GALNTL6: variants seen among roughly 807,000 people sequenced by gnomAD.
GALNTL6 encodes polypeptide N-acetylgalactosaminyltransferase-like 6.
GALNTL6 carries 46 observed loss-of-function variants against 73.7 expected under a neutral mutation model. The observed-to-expected ratio is 0.62, with a 90% CI of 0.49 to 0.80. The LOEUF (loss-of-function observed/expected upper bound fraction) is 0.80. GALNTL6 is among the 30% of genes least tolerant of loss of function. The pLI is 0.00. For missense variants in GALNTL6, 604 were observed against 755.0 expected, an observed-to-expected ratio of 0.80 and a Z score of 2.34; for synonymous variants, 259 against 263.7, an observed-to-expected ratio of 0.98 and a Z score of 0.17.
intron 8 of GALNTL6, among the ~76,000 whole-genome samples, chr4:172,917,247 T>C (rs1747570103): frequency 6.6e-6 from 1 of 152,116 alleles, no homozygotes; most frequent in African/African-American, 2.4e-5. Context: ...AAATATTAAT[T>C]CAAGATGGAT....
chr4:172,631,504 A>C (rs972427650), intron 5 of GALNTL6, among the ~76,000 whole-genome samples: 1 of 152,192 alleles, frequency 6.6e-6, no homozygotes, highest in Non-Finnish European at 1.5e-5. Flanking sequence ...CAATAATATC[A>C]GTTGTTAATG....
intron 7 of GALNTL6, among the ~76,000 whole-genome samples, chr4:172,867,012 A>G (rs1038267468): frequency 2.6e-5 from 4 of 152,190 alleles, no homozygotes; most frequent in African/African-American, 4.8e-5. Flanking sequence ...TGTGTCTCCA[A>G]ACTTCATGGA....
At chr4:172,862,684 A>C in intron 7 of GALNTL6, among the ~76,000 whole-genome samples, 1 of 151,262 alleles carries the variant, frequency 6.6e-6, no homozygotes. Flanking sequence ...TGGGTGACAG[A>C]GTGAGACTTC....
intron 5 of GALNTL6, among the ~76,000 whole-genome samples, chr4:172,750,770 T>C (rs1737377574): frequency 6.6e-6 from 1 of 152,198 alleles, no homozygotes; most frequent in African/African-American, 2.4e-5. Flanking sequence ...TCTATTGTAT[T>C]TTACCCATAT....
At chr4:172,963,649 T>G (rs1405145728) in intron 10 of GALNTL6, among the ~76,000 whole-genome samples, 1 of 152,218 alleles carries the variant, frequency 6.6e-6, no homozygotes, top group Non-Finnish European at 1.5e-5. Context: ...CACACCTGTG[T>G]GTGTGAAGCC....
rs562977051 is a variant in GALNTL6, at chr4:171,893,479, T to C, written c.138+78761T>C. Among the ~76,000 whole-genome samples, 7 of 152,308 alleles carry C rather than the reference T, an allele frequency of 4.6e-5. No homozygotes were observed. In the East Asian group the frequency reaches 7.7e-4, roughly 17 times the overall value. ...TTCATATGTAAGAAAATATATTGTG[T>C]TTCAGGAATAGAGACATCAGAATAC... is the stretch of plus-strand genomic sequence containing the variant. On this transcript the variant is annotated intron_variant, in intron 2 of 12. Coordinates refer to ENST00000506823, the MANE Select transcript of GALNTL6 (RefSeq NM_001034845.3).
At chr4:172,604,521 T>G (rs1012500817) in intron 5 of GALNTL6, among the ~76,000 whole-genome samples, 12 of 152,212 alleles carry the variant, frequency 7.9e-5, no homozygotes, top group Admixed American at 7.9e-4. Context: ...AATTATGTTC[T>G]GTATAAAATG....
At chr4:172,664,177 T>G (rs1377986151) in intron 5 of GALNTL6, among the ~76,000 whole-genome samples, 1 of 152,210 alleles carries the variant, frequency 6.6e-6, no homozygotes, top group African/African-American at 2.4e-5. Flanking sequence ...TCTTATGTCT[T>G]GGAAGGGTTC....
chr4:173,025,673 A>T (rs1053812720), intron 12 of GALNTL6, among the ~76,000 whole-genome samples: 9 of 152,246 alleles, frequency 5.9e-5, no homozygotes, highest in African/African-American at 2.2e-4. Flanking sequence ...TTTCTCATTG[A>T]GTAGAAGATA....
At chr4:172,600,551 C>T (rs1440067802) in intron 5 of GALNTL6, among the ~76,000 whole-genome samples, 2 of 152,124 alleles carry the variant, frequency 1.3e-5, no homozygotes, top group Admixed American at 6.6e-5. Context: ...ACAGGGATCC[C>T]TCTAAGGATT....
chr4:171,857,365 A>G (rs1234763988), intron 2 of GALNTL6, among the ~76,000 whole-genome samples: 2 of 152,184 alleles, frequency 1.3e-5, no homozygotes, highest in South Asian at 2.1e-4. Flanking sequence ...TATAGAGCAA[A>G]TAGTAGGAAA....
At chr4:172,934,572 C>A (rs1358605843) in intron 9 of GALNTL6, among the ~76,000 whole-genome samples, 1 of 152,142 alleles carries the variant, frequency 6.6e-6, no homozygotes, top group African/African-American at 2.4e-5. Flanking sequence ...TGGGAATAAG[C>A]GTATTCACTT....
At chr4:172,351,671 T>C (rs1741950816) in intron 5 of GALNTL6, among the ~76,000 whole-genome samples, 1 of 152,190 alleles carries the variant, frequency 6.6e-6, no homozygotes, top group African/African-American at 2.4e-5. Context: ...CTATAGTGTG[T>C]AGAGTTCTTT....
intron 2 of GALNTL6, among the ~76,000 whole-genome samples, chr4:171,972,348 AATG>A (rs1739597792): frequency 6.6e-6 from 1 of 152,148 alleles, no homozygotes; most frequent in Admixed American, 6.5e-5. Context: ...TTCAATATTA[AATG>A]ATACTTCTAA....
intron 2 of GALNTL6, among the ~76,000 whole-genome samples, chr4:172,121,154 A>G (rs1039018472): frequency 7.9e-5 from 12 of 152,058 alleles, no homozygotes; most frequent in African/African-American, 2.9e-4. Context: ...AGAATTACAT[A>G]ATTATTTTGA....
chr4:171,842,702 A>G (rs2110845704), intron 2 of GALNTL6, among the ~76,000 whole-genome samples: 1 of 152,212 alleles, frequency 6.6e-6, no homozygotes, highest in South Asian at 2.1e-4. Flanking sequence ...ACTGAGTGAG[A>G]ACTCACTTAG....
intron 2 of GALNTL6, among the ~76,000 whole-genome samples, chr4:172,083,163 T>G (rs1239023160): frequency 6.6e-6 from 1 of 152,180 alleles, no homozygotes; most frequent in Non-Finnish European, 1.5e-5. Flanking sequence ...AAAATAAGTT[T>G]TTTCATCACT....
At chr4:172,253,954 A>G (rs1737982294) in intron 3 of GALNTL6, among the ~76,000 whole-genome samples, 1 of 151,832 alleles carries the variant, frequency 6.6e-6, no homozygotes, top group Admixed American at 6.6e-5. Flanking sequence ...TGAACTCAGG[A>G]GTAAAACACT....
chr4:172,764,168 G>A (rs546947723), intron 5 of GALNTL6, among the ~76,000 whole-genome samples: 20 of 152,302 alleles, frequency 1.3e-4, no homozygotes, highest in African/African-American at 4.8e-4. Context: ...ATGTTGGTGA[G>A]GCTGGTCTCA....
Sources: gnomAD v4.1 joint callset for allele counts (sites outside exome capture counted in the v4.1 genomes callset) on GRCh38, gnomAD v4.1.1 for gene constraint, MANE v1.5 for transcripts, NCBI Gene and HGNC (gene_info 2026-07-23, HGNC 2026-07-21) for gene names.